The following PARVB variants were observed in gnomAD, a reference collection of about 807,000 sequenced individuals.
PARVB encodes beta-parvin.
A neutral mutation model predicts 47.0 loss-of-function variants in PARVB; 46 were observed. The observed-to-expected ratio is 0.98, with a 90% CI of 0.77 to 1.25. The LOEUF is 1.25. PARVB is among the 50% of genes most tolerant of loss of function. PARVB has a pLI of 0.00. For synonymous variants in PARVB, 196 were observed against 196.3 expected, an observed-to-expected ratio of 1.00 and a Z score of 0.01; for missense variants, 473 against 471.6, an observed-to-expected ratio of 1.00 and a Z score of -0.03.
At chr22:44,094,063 G>A (rs377679903) in intron 2 of PARVB, 46 bp downstream of exon 2, 60 of 1,211,276 alleles carry the variant, frequency 5.0e-5, no homozygotes, top group African/African-American at 1.4e-4. Context: ...TTGAGCTTCC[G>A]TGGCACTAAG....
intron 11 of PARVB, chr22:44,162,752 T>C (rs561102732): frequency 1.3e-5 from 2 of 152,384 alleles, no homozygotes; most frequent in African/African-American, 2.4e-5. Flanking sequence ...GGATGTAATC[T>C]GGTTCATTGC....
intron 12 of PARVB, among the ~76,000 whole-genome samples, chr22:44,164,810 G>A (rs993934000): frequency 9.9e-5 from 15 of 152,080 alleles, no homozygotes; most frequent in South Asian, 2.1e-4. Context: ...GCTCAACGGC[G>A]GGCTTTGTAG....
chr22:44,023,628 C>T (rs2050681933), upstream of PARVB, among the ~76,000 whole-genome samples: 1 of 152,070 alleles, frequency 6.6e-6, no homozygotes, highest in South Asian at 2.1e-4. Flanking sequence ...TGGCAGTCCT[C>T]GGGATGAAGC....
At chr22:44,147,486 A>G in intron 8 of PARVB, 6 of 367,870 alleles carry the variant, frequency 1.6e-5, no homozygotes, top group South Asian at 1.0e-4. Context: ...CACAGGTGAC[A>G]TTTGCCAGTA....
At chr22:44,074,819 C>T (rs1441112205) in intron 1 of PARVB, among the ~76,000 whole-genome samples, 3 of 152,244 alleles carry the variant, frequency 2.0e-5, no homozygotes, top group African/African-American at 4.8e-5. Flanking sequence ...ACAGCCAAGA[C>T]AATGGAGTCA....
intron 1 of PARVB, among the ~76,000 whole-genome samples, chr22:44,058,774 T>C (rs1183049934): frequency 5.3e-5 from 8 of 152,086 alleles, no homozygotes; most frequent in African/African-American, 1.9e-4. Flanking sequence ...AGGGTGGTCT[T>C]GAACCCCTGA....
exon 1 of PARVB, chr22:43,999,391 T>C: frequency 1.9e-6 from 3 of 1,610,882 alleles, no homozygotes; most frequent in Non-Finnish European, 2.5e-6. Flanking sequence ...GGGGATTCCT[T>C]AGTCCAGAGA....
chr22:44,061,284 A>G (rs529582863), intron 1 of PARVB, among the ~76,000 whole-genome samples: 13 of 152,218 alleles, frequency 8.5e-5, no homozygotes, highest in African/African-American at 1.2e-4. Flanking sequence ...CAAAAAAATT[A>G]GCTGGGCATG....
intron 4 of PARVB, among the ~76,000 whole-genome samples, chr22:44,129,969 A>G (rs1486534995): frequency 6.6e-6 from 1 of 152,224 alleles, no homozygotes; most frequent in Non-Finnish European, 1.5e-5. Context: ...GCCTTGCTCT[A>G]GAATTTTATT....
intron 3 of PARVB, chr22:44,105,195 C>T (rs943016474): frequency 1.3e-5 from 2 of 152,254 alleles, no homozygotes; most frequent in African/African-American, 4.8e-5. Flanking sequence ...CCTCCAGCAG[C>T]TGGCTGATAG....
At chr22:44,137,571 G>T (rs148039623) in intron 7 of PARVB, among the ~76,000 whole-genome samples, 1 of 152,294 alleles carries the variant, frequency 6.6e-6, no homozygotes, top group South Asian at 2.1e-4. Flanking sequence ...AATTCTGTGG[G>T]TCAGCAATTT....
At chr22:44,024,195 CGGGA>C (rs1175412847), upstream of PARVB, 1 of 278,540 alleles carries the variant, frequency 3.6e-6, no homozygotes, top group Non-Finnish European at 5.4e-6. Flanking sequence ...CTCGGGCATC[CGGGA>C]CGCCGGGGCC....
At chr22:44,127,932 C>T (rs1460170053) in intron 4 of PARVB, among the ~76,000 whole-genome samples, 1 of 152,124 alleles carries the variant, frequency 6.6e-6, no homozygotes, top group Non-Finnish European at 1.5e-5. Context: ...ATCACAGATG[C>T]ATACCACCAT....
chr22:44,085,795 C>T (rs2147018780), intron 1 of PARVB, among the ~76,000 whole-genome samples: 1 of 152,328 alleles, frequency 6.6e-6, no homozygotes, highest in South Asian at 2.1e-4. Context: ...CTGCCCAGCC[C>T]CATGCCCAGC....
At chr22:44,139,708 C>T (rs972259304) in intron 7 of PARVB, 7 of 183,818 alleles carry the variant, frequency 3.8e-5, no homozygotes, top group Non-Finnish European at 5.8e-5. Context: ...GATTCTGCCC[C>T]TCAAAGTGCT....
In PARVB at chr22:44,136,443, T is replaced by C. The variant is rs1346713031; in HGVS notation, c.634-17T>C. On this transcript the variant is annotated splice_polypyrimidine_tract_variant and intron_variant, in intron 6 of 12. Transcript: ENST00000338758. ...TCTCCACTGCCTGATTTTGTATGTT[T>C]ATTTTGGGGTTTTCAGAAACGGGAA... 6.2e-7 allele frequency: 1 copy of C among 1,613,212 alleles called. No individual in the cohort carries two copies.
rs2053171988 is a variant in PARVB at position 44,125,728 on chromosome 22, G to A, written c.377-5759G>A. On this transcript the variant is annotated intron_variant, in intron 4 of 12. Transcript: ENST00000338758. This position sits in a 1 kb window ranked among gnomAD's most constrained non-coding sequence, Gnocchi z 4.1. ...GACAACAGTCTATTCCAAGTGACAG[G>A]AAGCCATTGGAGGTTTTGGGTAGGG... is the stretch of plus-strand genomic sequence containing the variant. 2.0e-5 allele frequency among the ~76,000 whole-genome samples: 3 copies of A among 152,316 alleles called. No individual in the cohort carries two copies. The highest frequency in any genetic ancestry group is 7.2e-5 in the African/African-American group (3 of 41,562).
At chr22:44,001,205 A>G (rs867789591) in intron 2 of PARVB, among the ~76,000 whole-genome samples, 1 of 152,184 alleles carries the variant, frequency 6.6e-6, no homozygotes, top group Non-Finnish European at 1.5e-5. Flanking sequence ...AGCCGAGATC[A>G]CGCCACTGCA....
At chr22:44,162,059 C>T (rs1052311760) in intron 11 of PARVB, among the ~76,000 whole-genome samples, 1 of 152,206 alleles carries the variant, frequency 6.6e-6, no homozygotes, top group African/African-American at 2.4e-5. Flanking sequence ...TCCCCACTGA[C>T]CCTATGACTA....
Sources: allele counts gnomAD v4.1 joint callset (sites outside exome capture counted in the v4.1 genomes callset), GRCh38; gene constraint gnomAD v4.1.1; non-coding constraint Gnocchi (gnomAD v3.1); transcripts MANE v1.5; gene names NCBI Gene and HGNC (gene_info 2026-07-23, HGNC 2026-07-21).